PPFIA1: variants seen among roughly 807,000 people sequenced by gnomAD.
The protein encoded by PPFIA1 is liprin-alpha-1.
In PPFIA1, 25 loss-of-function variants were observed where a neutral mutation model predicts 149.9. The observed-to-expected ratio is 0.17, with a 90% CI of 0.12 to 0.23. The LOEUF is 0.23. PPFIA1 is among the 10% of genes least tolerant of loss of function. The probability of loss-of-function intolerance (pLI) is 1.00; values close to 1 mark genes in which losing one functional copy is unlikely to be tolerated. For missense variants in PPFIA1, 1,362 were observed against 1,506.5 expected, an observed-to-expected ratio of 0.90 and a Z score of 1.59; for synonymous variants, 549 against 552.8, an observed-to-expected ratio of 0.99 and a Z score of 0.10.
chr11:70,324,710 T>C, intron 3 of PPFIA1, 137 bp from the exon 4 acceptor site: 2 of 950,618 alleles, frequency 2.1e-6, no homozygotes, highest in Admixed American at 2.5e-5. Context: ...TTAATACAAT[T>C]GAGAGGAATT....
At chr11:70,347,744 C>T (rs1453213977) in intron 15 of PPFIA1, among the ~76,000 whole-genome samples, 1 of 152,050 alleles carries the variant, frequency 6.6e-6, no homozygotes, top group African/African-American at 2.4e-5. Context: ...TGGCTCGCGC[C>T]TGTAATCCCA....
intron 2 of PPFIA1, among the ~76,000 whole-genome samples, chr11:70,313,297 G>A (rs2136562969): frequency 6.6e-6 from 1 of 152,334 alleles, no homozygotes; most frequent in Non-Finnish European, 1.5e-5. Context: ...TAATGCAACA[G>A]AAGTGTGTGT....
chr11:70,367,334 C>T (rs574550549), intron 21 of PPFIA1, among the ~76,000 whole-genome samples: 65 of 152,148 alleles, frequency 4.3e-4, no homozygotes, highest in Admixed American at 3.5e-3. Context: ...TGAGCTGCGC[C>T]GAGAGACTAG....
At chr11:70,346,593 G>A (rs1327710582) in intron 15 of PPFIA1, among the ~76,000 whole-genome samples, 1 of 152,210 alleles carries the variant, frequency 6.6e-6, no homozygotes, top group Non-Finnish European at 1.5e-5. Context: ...GCCCTTTGAA[G>A]GAGGAGGTGC....
intron 2 of PPFIA1, among the ~76,000 whole-genome samples, chr11:70,272,790 C>A (rs566246612): frequency 6.6e-6 from 1 of 152,270 alleles, no homozygotes; most frequent in South Asian, 2.1e-4. Flanking sequence ...CTTGTACTTC[C>A]CATGGATTAT....
chr11:70,284,611 C>T (rs1041807120), intron 2 of PPFIA1, among the ~76,000 whole-genome samples: 8 of 152,276 alleles, frequency 5.3e-5, no homozygotes, highest in African/African-American at 1.9e-4. Context: ...TCCATGATCT[C>T]GACTGAGTGG....
chr11:70,308,909 C>T (rs994609509), intron 2 of PPFIA1, among the ~76,000 whole-genome samples: 2 of 152,004 alleles, frequency 1.3e-5, no homozygotes, highest in Admixed American at 6.6e-5. Context: ...GGTGACAGGG[C>T]GAGACTCTCT....
intron 9 of PPFIA1, chr11:70,332,999 C>G: frequency 2.2e-6 from 1 of 455,868 alleles, no homozygotes; most frequent in South Asian, 1.5e-5. Flanking sequence ...TGTTATCTTT[C>G]CTGTCCCTTG....
Position 70,332,047 on chromosome 11 carries a change from C to T in PPFIA1, c.1165C>T (p.Pro389Ser). Residue 389 changes from proline to serine, a missense_variant, in exon 9 of 28, where the codon CCG becomes TCG. By Grantham distance (74) the Pro-to-Ser change is moderately conservative. Coordinates refer to ENST00000253925, the MANE Select transcript of PPFIA1 (RefSeq NM_003626.5). ...GACACTGAGGAAGGCAGAGACGCTC[C>T]CGGAGGTGGAGGCGGAGCTGGCCCA... The part of the protein sequence containing the change: ...QQTLRKAETL[P>S]EVEAELAQRV... 6.2e-7 allele frequency: 1 copy of T among 1,612,700 alleles called. No individual in the cohort carries two copies. The highest frequency in any genetic ancestry group is 8.5e-7 in the Non-Finnish European group (1 of 1,179,392).
At chr11:70,335,525 TAC>T (rs766405652) in intron 10 of PPFIA1, 36 bp from the exon 11 acceptor site, 35 of 1,606,500 alleles carry the variant, frequency 2.2e-5, no homozygotes, top group Non-Finnish European at 2.9e-5. Flanking sequence ...ATCGAGGATT[TAC>T]GTGAGGTTTA....
chr11:70,345,709 A>G (rs1381227263), intron 15 of PPFIA1, among the ~76,000 whole-genome samples: 1 of 152,134 alleles, frequency 6.6e-6, no homozygotes, highest in Non-Finnish European at 1.5e-5. Flanking sequence ...TACCTGTCAC[A>G]CCAGCTACTT....
At chr11:70,308,286 G>A (rs1329055933) in intron 2 of PPFIA1, among the ~76,000 whole-genome samples, 1 of 152,186 alleles carries the variant, frequency 6.6e-6, no homozygotes, top group Non-Finnish European at 1.5e-5. Flanking sequence ...GACCTCAAGT[G>A]ATCTGCCTAC....
At position 70,356,334 on chromosome 11, in the gene PPFIA1, A is replaced by G. The variant is rs572204590; in HGVS notation, c.2582+80A>G. ...CTCTAACTAGTGTTTGTTAATTATA[A>G]TAGCTAGCTATGTATATATACATTA... On this transcript the variant is annotated intron_variant, in intron 19 of 27. Coordinates refer to ENST00000253925, the MANE Select transcript of PPFIA1 (RefSeq NM_003626.5). 1.1e-5 allele frequency: 11 copies of G among 1,008,068 alleles called. No individual in the cohort carries two copies. The South Asian group carries it at 1.2e-4, about 11-fold the overall frequency. The allele number at this position is 1,008,068 out of a possible 1,614,324, so 62.4% of individuals were successfully genotyped here.
chr11:70,324,823 C>A, intron 3 of PPFIA1, 24 bp from the exon 4 acceptor site: 1 of 1,520,832 alleles, frequency 6.6e-7, no homozygotes, highest in South Asian at 1.2e-5. Context: ...TTTAACAAGT[C>A]TTTATTTTGG....
chr11:70,299,200 C>T (rs1448689210), intron 2 of PPFIA1, among the ~76,000 whole-genome samples: 1 of 152,006 alleles, frequency 6.6e-6, no homozygotes, highest in East Asian at 1.9e-4. Flanking sequence ...GATTGCACCA[C>T]TGCACTCCAG....
chr11:70,277,747 T>C (rs1436393953), intron 2 of PPFIA1, among the ~76,000 whole-genome samples: 1 of 152,018 alleles, frequency 6.6e-6, no homozygotes, highest in Non-Finnish European at 1.5e-5. Flanking sequence ...TGCTTCAGCC[T>C]CCAAAGTGCT....
intron 10 of PPFIA1, 96 bp from the exon 11 acceptor site, chr11:70,335,467 G>A: frequency 7.0e-7 from 1 of 1,424,102 alleles, no homozygotes; most frequent in Non-Finnish European, 9.6e-7. Flanking sequence ...GGGAGGGGAG[G>A]GCACACATGG....
At chr11:70,311,836 CTTTTTTTT>C (rs140584652) in intron 2 of PPFIA1, among the ~76,000 whole-genome samples, 1 of 70,096 alleles carries the variant, frequency 1.4e-5, no homozygotes, top group South Asian at 5.0e-4. Context: ...AGTGAGTCAG[CTTTTTTTT>C]TTTTTTTTTT....
At chr11:70,328,147 C>T (rs2054433817) in intron 7 of PPFIA1, among the ~76,000 whole-genome samples, 1 of 151,688 alleles carries the variant, frequency 6.6e-6, no homozygotes, top group African/African-American at 2.4e-5. Flanking sequence ...AAACTTGTGT[C>T]CTGGCGGTTT....
Sources: allele counts gnomAD v4.1 joint callset (sites outside exome capture counted in the v4.1 genomes callset), GRCh38; gene constraint gnomAD v4.1.1; transcripts MANE v1.5; gene names NCBI Gene and HGNC (gene_info 2026-07-23, HGNC 2026-07-21).